TACC3: variants seen among roughly 807,000 people sequenced by gnomAD.
TACC3 encodes the protein transforming acidic coiled-coil-containing protein 3.
TACC3 carries 52 observed loss-of-function variants against 86.0 expected under a neutral mutation model. The ratio of observed to expected loss-of-function variants is 0.60; its 90% CI spans 0.48 to 0.76. The LOEUF (loss-of-function observed/expected upper bound fraction) is 0.76, where lower values mean the gene tolerates loss of function less well. Ranked by LOEUF, TACC3 falls within the 30% of genes least tolerant of loss-of-function variation. The pLI is 0.00. For synonymous variants in TACC3, 512 were observed against 430.0 expected, an observed-to-expected ratio of 1.19 and a Z score of -2.36; for missense variants, 1,120 against 1,070.4, an observed-to-expected ratio of 1.05 and a Z score of -0.65.
At chr4:1,740,324 C>A in intron 12 of TACC3, 1 of 489,646 alleles carries the variant, frequency 2.0e-6, no homozygotes, top group Non-Finnish European at 3.7e-6. Context: ...CCTCGCCGTG[C>A]GGCTATGTCT....
At chr4:1,725,815 G>A (rs1241503911) in intron 3 of TACC3, among the ~76,000 whole-genome samples, 1 of 152,260 alleles carries the variant, frequency 6.6e-6, no homozygotes, top group East Asian at 1.9e-4. Context: ...GAGACCAAGA[G>A]CAGCCGCTGC....
Position 1,727,958 on chromosome 4 carries a change from C to T in TACC3, c.556C>T (p.Leu186Phe). Residue 186 changes from leucine to phenylalanine, a missense_variant, in exon 4 of 16, where the codon CTT becomes TTT. Leu to Phe is a conservative substitution (Grantham distance 22). Coordinates refer to ENST00000313288, the MANE Select transcript of TACC3 (RefSeq NM_006342.3). ...CCCTGAGCAAGCCGTGGAGGAAAAC[C>T]TTAGTTCCTATTCCTTAGACAGAAG... ...GSPEQAVEEN[L>F]SSYSLDRRVT... 1 of 1,613,714 alleles carries T rather than the reference C, an allele frequency of 6.2e-7. No individual in the cohort carries two copies. Among genetic ancestry groups the T allele is most frequent in the Non-Finnish European group, 8.5e-7 (1 of 1,180,028 alleles).
rs544470580 is a variant in TACC3, at chr4:1,744,775, C to T, written c.2394C>T (p.Ala798=). 4.8e-5 allele frequency: 77 copies of T among 1,612,830 alleles called. No individual in the cohort carries two copies. The South Asian group carries it at 4.9e-4, about 10-fold the overall frequency. The change falls in exon 15 of 16, where the codon GCC becomes GCT. Residue 798 remains alanine (A), a synonymous_variant. Coordinates refer to ENST00000313288, the MANE Select transcript of TACC3 (RefSeq NM_006342.3). The part of the protein sequence containing the change: ...KAQAEALALQ[A]SLRKEQMRIQ... ...AGGCGGAAGCGTTGGCCCTCCAGGC[C>T]AGCCTGAGGAAGGAGCAGATGCGCA...
chr4:1,737,448 G>T, intron 9 of TACC3, 120 bp downstream of exon 9: 1 of 1,159,350 alleles, frequency 8.6e-7, no homozygotes, highest in South Asian at 1.4e-5. Flanking sequence ...GGGGCATGGG[G>T]CCGCTGTGCT....
intron 9 of TACC3, 125 bp from the exon 10 acceptor site, chr4:1,737,473 C>G: frequency 9.2e-7 from 1 of 1,086,720 alleles, no homozygotes; most frequent in Non-Finnish European, 1.3e-6. Context: ...CCTCGCCGCA[C>G]TGTCTCGGGT....
In TACC3 at chr4:1,744,022, G is replaced by A. The variant is rs891130214; in HGVS notation, c.2224-496G>A. Among the ~76,000 whole-genome samples, 7 of 152,146 alleles carry A rather than the reference G, an allele frequency of 4.6e-5. No individual in the cohort carries two copies. In the South Asian group the frequency reaches 1.4e-3, roughly 32 times the overall value. ...GCCTTCCCAAGCAGAGGCCACTCGG[G>A]GACCCAGGAACCCCTCAGTTAGGGC... On this transcript the variant is annotated intron_variant, in intron 13 of 15. Transcript: ENST00000313288.
chr4:1,738,075 G>C (rs951506994), intron 10 of TACC3: 6 of 362,568 alleles, frequency 1.7e-5, no homozygotes, highest in Non-Finnish European at 2.7e-5. Flanking sequence ...TGGCAGCTTA[G>C]GAAGCTCCAT....
At chr4:1,739,265 G>A (rs781721280) in intron 10 of TACC3, 9 of 158,334 alleles carry the variant, frequency 5.7e-5, no homozygotes, top group Admixed American at 5.1e-4. Flanking sequence ...CAGAGATCAC[G>A]TGACTGCACT....
intron 13 of TACC3, among the ~76,000 whole-genome samples, chr4:1,744,064 G>A (rs571533425): frequency 6.6e-6 from 1 of 152,218 alleles, no homozygotes; most frequent in Non-Finnish European, 1.5e-5. Flanking sequence ...GTCACTGAGC[G>A]GAAGGTGCCC....
intron 4 of TACC3, among the ~76,000 whole-genome samples, chr4:1,729,810 C>G (rs1717909138): frequency 6.6e-6 from 1 of 152,126 alleles, no homozygotes. Flanking sequence ...AAGGGAGACT[C>G]CCTTTCCCAG....
intron 3 of TACC3, among the ~76,000 whole-genome samples, chr4:1,724,379 C>CTTTTTTTT (rs35896374): frequency 1.8e-5 from 2 of 108,384 alleles, no homozygotes; most frequent in Non-Finnish European, 1.8e-5. Context: ...TCATACTTCA[C>CTTTTTTTT]TTTTTTTTTT....
In TACC3 at chr4:1,735,617, G is replaced by A. The variant is rs528182218; in HGVS notation, c.1645-114G>A. On this transcript the variant is annotated intron_variant, in intron 7 of 15. Transcript: ENST00000313288. The surrounding 1 kb of genome is among the most constrained non-coding windows in gnomAD (Gnocchi z 4.2). ...GGCAGGGTTGTGGGTGACCGGGGGT[G>A]GGAGTGTGCGGGTGACCGGGGGTGG... 1,297 of 851,760 alleles carry A rather than the reference G, an allele frequency of 1.5e-3. 10 individuals are homozygous for A. The African/African-American group carries it at 0.022, about 14-fold the overall frequency. 52.8% of individuals were successfully genotyped at this position (851,760 alleles called of 1,614,324 possible). A position where few individuals can be genotyped will look rare whatever the true frequency, so the allele number is the denominator to read the frequency against.
At chr4:1,730,445 T>C (rs187379238) in intron 4 of TACC3, 2 of 308,074 alleles carry the variant, frequency 6.5e-6, no homozygotes, top group Admixed American at 4.3e-5. Context: ...CTATAATCTA[T>C]TTCTAGTATA....
In TACC3 at chr4:1,728,588, A is replaced by C; in HGVS notation, c.1186A>C (p.Met396Leu). ...GRSGAGEDPP[M>L]PASRGSYHLD... ...GAGCGGAGCAGGAGAGGACCCCCCC[A>C]TGCCAGCTTCTCGGGGCTCTTACCA... is the stretch of plus-strand genomic sequence containing the variant. The change falls in exon 4 of 16, where the codon ATG becomes CTG. Residue 396 changes from methionine (M) to leucine (L), a missense_variant. Met to Leu is a conservative substitution (Grantham distance 15). Transcript: ENST00000313288. 6.2e-7 allele frequency: 1 copy of C among 1,613,960 alleles called. No homozygotes were observed. Among genetic ancestry groups the C allele is most frequent in the African/African-American group, 1.3e-5 (1 of 75,034 alleles).
Position 1,744,709 on chromosome 4 carries a change from C to T in TACC3, c.2331-3C>T, listed in dbSNP as rs573286717. On this transcript the variant is annotated splice_polypyrimidine_tract_variant and splice_region_variant and intron_variant, in intron 14 of 15. Transcript: ENST00000313288. ...AGCCTCTGCCCCGCCCCTACCCCTC[C>T]AGGGCAAACGAGGAGATCGCCCAGG... 4.0e-5 allele frequency: 65 copies of T among 1,612,554 alleles called. 1 individual carries two copies. The South Asian group carries it at 6.9e-4, about 17-fold the overall frequency.
chr4:1,741,089 C>A, intron 13 of TACC3, 103 bp downstream of exon 13: 2 of 1,189,458 alleles, frequency 1.7e-6, no homozygotes, highest in Non-Finnish European at 2.4e-6. Flanking sequence ...GGTCCTTGGC[C>A]AAGCCTCCCC....
At chr4:1,731,877 A>G (rs1577214308) in intron 6 of TACC3, among the ~76,000 whole-genome samples, 1 of 152,170 alleles carries the variant, frequency 6.6e-6, no homozygotes, top group Non-Finnish European at 1.5e-5. Context: ...CAAGTGATCC[A>G]CCTGCCTCGG....
At chr4:1,733,849 A>G (rs1272609295) in intron 6 of TACC3, among the ~76,000 whole-genome samples, 1 of 152,020 alleles carries the variant, frequency 6.6e-6, no homozygotes, top group African/African-American at 2.4e-5. Context: ...GTGTTGGCAC[A>G]TGCCTGTAAT....
In TACC3 at chr4:1,730,876, T is replaced by C; in HGVS notation, c.1386-11T>C. On this transcript the variant is annotated splice_polypyrimidine_tract_variant and intron_variant, in intron 4 of 15. Transcript: ENST00000313288. ...GGGGGGCATGGGCCTCTGCTGACTCTGTCTCCCCAGGCAGCTGCATTCAGC... is the reference window on the plus strand; with the variant it reads ...GGGGGGCATGGGCCTCTGCTGACTCCGTCTCCCCAGGCAGCTGCATTCAGC... 1 of 1,612,816 alleles carries C rather than the reference T, an allele frequency of 6.2e-7. No individual in the cohort carries two copies. Among genetic ancestry groups the C allele is most frequent in the Non-Finnish European group, 8.5e-7 (1 of 1,179,942 alleles).
Sources: allele counts gnomAD v4.1 joint callset (sites outside exome capture counted in the v4.1 genomes callset), GRCh38; gene constraint gnomAD v4.1.1; non-coding constraint Gnocchi (gnomAD v3.1); transcripts MANE v1.5; gene names NCBI Gene and HGNC (gene_info 2026-07-23, HGNC 2026-07-21).